The following GALNTL6 variants were observed in gnomAD, a reference collection of about 807,000 sequenced individuals.
The protein encoded by GALNTL6 is polypeptide N-acetylgalactosaminyltransferase-like 6.
Under a neutral mutation model 73.7 loss-of-function variants are expected in GALNTL6, and 46 were observed. The observed-to-expected ratio is 0.62, with a 90% CI of 0.49 to 0.80. The LOEUF (loss-of-function observed/expected upper bound fraction) is 0.80, where lower values mean the gene tolerates loss of function less well. Among genes scored for constraint, GALNTL6 ranks in the 30% least tolerant of loss-of-function variants. GALNTL6 has a pLI of 0.00. For missense variants in GALNTL6, 604 were observed against 755.0 expected (o/e 0.80, Z 2.34); for synonymous variants, 259 against 263.7 (o/e 0.98, Z 0.17).
At chr4:172,143,952 ATTTG>A (rs1349716276) in intron 2 of GALNTL6, among the ~76,000 whole-genome samples, 3 of 152,050 alleles carry the variant, frequency 2.0e-5, no homozygotes, top group Non-Finnish European at 2.9e-5. Flanking sequence ...TTATAAATAA[ATTTG>A]TTTGTTAATT....
chr4:172,005,798 T>G (rs552672794), intron 2 of GALNTL6, among the ~76,000 whole-genome samples: 10 of 152,288 alleles, frequency 6.6e-5, no homozygotes, highest in African/African-American at 1.9e-4. Context: ...TGTTAATAAA[T>G]GAAAGTGCAT....
chr4:172,535,585 A>G (rs1735319324), intron 5 of GALNTL6, among the ~76,000 whole-genome samples: 1 of 152,248 alleles, frequency 6.6e-6, no homozygotes, highest in Non-Finnish European at 1.5e-5. Context: ...CCACATCATT[A>G]CATTAAACCA....
intron 12 of GALNTL6, among the ~76,000 whole-genome samples, chr4:173,027,182 C>T (rs1753267033): frequency 6.6e-6 from 1 of 152,124 alleles, no homozygotes; most frequent in Non-Finnish European, 1.5e-5. Flanking sequence ...CGGGGTTTCA[C>T]CACGTTGGCC....
intron 7 of GALNTL6, among the ~76,000 whole-genome samples, chr4:172,841,649 G>C (rs543300582): frequency 6.6e-6 from 1 of 152,146 alleles, no homozygotes; most frequent in East Asian, 1.9e-4. Context: ...GAGTGTGTGA[G>C]TGCACAGGAA....
At chr4:171,940,726 G>A (rs1308893869) in intron 2 of GALNTL6, among the ~76,000 whole-genome samples, 1 of 151,800 alleles carries the variant, frequency 6.6e-6, no homozygotes, top group African/African-American at 2.4e-5. Context: ...TGGGAGGCAG[G>A]AGAATGGTGT....
At position 171,903,606 on chromosome 4, in the gene GALNTL6, A is replaced by G. The variant is rs573116680; in HGVS notation, c.138+88888A>G. Among the ~76,000 whole-genome samples, 20 of 132,990 alleles carry G rather than the reference A, an allele frequency of 1.5e-4. 2 individuals carry two copies. Among genetic ancestry groups the G allele is most frequent in the South Asian group, 7.2e-4 (3 of 4,176 alleles). The allele number at this position is 132,990 out of a possible 152,430, so 87.2% of individuals were successfully genotyped here. ...TTGTCCAGGCTTGATTAGGTAAACA[A>G]AGCAGCCCTGAAGCTCAAACTGGGT... is the stretch of plus-strand genomic sequence containing the variant. On this transcript the variant is annotated intron_variant, in intron 2 of 12. Coordinates refer to ENST00000506823, the MANE Select transcript of GALNTL6 (RefSeq NM_001034845.3).
intron 5 of GALNTL6, among the ~76,000 whole-genome samples, chr4:172,546,047 T>A (rs1735734120): frequency 6.6e-6 from 1 of 152,206 alleles, no homozygotes; most frequent in Non-Finnish European, 1.5e-5. Flanking sequence ...TATATAAATA[T>A]GTATGTATAC....
At chr4:172,188,767 G>A (rs1312995347) in intron 2 of GALNTL6, among the ~76,000 whole-genome samples, 1 of 152,140 alleles carries the variant, frequency 6.6e-6, no homozygotes, top group East Asian at 1.9e-4. Flanking sequence ...CCCATAGGCA[G>A]TGTGAGGAGC....
At chr4:172,138,480 T>TAC (rs1733698386) in intron 2 of GALNTL6, among the ~76,000 whole-genome samples, 2 of 3,598 alleles carry the variant, frequency 5.6e-4, no homozygotes, top group African/African-American at 1.5e-3. Context: ...GGACTGCCTA[T>TAC]ATATATATAT....
chr4:172,144,929 A>T (rs2110746796), intron 2 of GALNTL6, among the ~76,000 whole-genome samples: 1 of 152,074 alleles, frequency 6.6e-6, no homozygotes, highest in East Asian at 1.9e-4. Flanking sequence ...TCTATATGGC[A>T]TTTCTTTAGT....
chr4:172,307,928 A>T (rs1740202083), intron 3 of GALNTL6, among the ~76,000 whole-genome samples: 1 of 141,698 alleles, frequency 7.1e-6, no homozygotes, highest in Non-Finnish European at 1.5e-5. Flanking sequence ...CATTAAATGT[A>T]TAGATTGCTT....
chr4:172,743,519 C>A (rs1736917332), intron 5 of GALNTL6, among the ~76,000 whole-genome samples: 1 of 151,998 alleles, frequency 6.6e-6, no homozygotes, highest in Non-Finnish European at 1.5e-5. Context: ...GGAAACTTTA[C>A]CAAGAAGATG....
chr4:172,075,889 T>A (rs1047696430), intron 2 of GALNTL6, among the ~76,000 whole-genome samples: 3 of 152,176 alleles, frequency 2.0e-5, no homozygotes, highest in Non-Finnish European at 4.4e-5. Context: ...TCCTAGTGAG[T>A]GATGAATCCT....
chr4:172,826,747 T>A (rs541580327), intron 7 of GALNTL6, among the ~76,000 whole-genome samples: 1 of 152,350 alleles, frequency 6.6e-6, no homozygotes, highest in Middle Eastern at 3.4e-3. Flanking sequence ...CTCAGGTCAC[T>A]GGACAGCAGT....
intron 10 of GALNTL6, among the ~76,000 whole-genome samples, chr4:172,986,729 C>G (rs1029033180): frequency 6.6e-6 from 1 of 152,106 alleles, no homozygotes; most frequent in African/African-American, 2.4e-5. Context: ...TCTATGGAAA[C>G]AGAAGAAAAA....
chr4:172,398,973 A>C (rs116330557), intron 5 of GALNTL6, among the ~76,000 whole-genome samples: 2,465 of 152,152 alleles, frequency 0.016, 60 homozygotes, highest in African/African-American at 0.056. Context: ...AATTAACACA[A>C]AAAAAATCAA....
At chr4:171,926,830 T>C (rs1737998100) in intron 2 of GALNTL6, among the ~76,000 whole-genome samples, 1 of 152,140 alleles carries the variant, frequency 6.6e-6, no homozygotes, top group African/African-American at 2.4e-5. Context: ...TAGCAAATTA[T>C]TTTTATTTTC....
At chr4:172,866,671 C>T (rs563895866) in intron 7 of GALNTL6, among the ~76,000 whole-genome samples, 5 of 152,312 alleles carry the variant, frequency 3.3e-5, no homozygotes, top group Admixed American at 3.3e-4. Context: ...CTGGCCCTCA[C>T]ACCCTAAGAT....
At chr4:172,728,492 G>A (rs1735958429) in intron 5 of GALNTL6, among the ~76,000 whole-genome samples, 1 of 149,862 alleles carries the variant, frequency 6.7e-6, no homozygotes, top group Non-Finnish European at 1.5e-5. Flanking sequence ...CATTGTATAT[G>A]TACATATACA....
Sources: gnomAD v4.1 joint callset for allele counts (sites outside exome capture counted in the v4.1 genomes callset) on GRCh38, gnomAD v4.1.1 for gene constraint, MANE v1.5 for transcripts, NCBI Gene and HGNC (gene_info 2026-07-23, HGNC 2026-07-21) for gene names.